Variants in TSGA10 observed in about 807,000 individuals in gnomAD.
TSGA10 encodes the protein testis specific 10.
In TSGA10, 43 loss-of-function variants were observed where a neutral mutation model predicts 96.6. That is an observed-to-expected ratio of 0.44 (90% confidence interval 0.35 to 0.57). The LOEUF (loss-of-function observed/expected upper bound fraction) is 0.57, where lower values mean the gene tolerates loss of function less well. Among genes scored for constraint, TSGA10 ranks in the 20% least tolerant of loss-of-function variants. The pLI, the probability that TSGA10 is intolerant of heterozygous loss-of-function variation, is 0.01. For synonymous variants in TSGA10, 229 were observed against 269.9 expected (o/e 0.85, Z 1.48); for missense variants, 703 against 834.4 (o/e 0.84, Z 1.94).
chr2:99,124,954 G>C (rs953955329), intron 2 of TSGA10: 1 of 152,076 alleles, frequency 6.6e-6, no homozygotes, highest in African/African-American at 2.4e-5. Flanking sequence ...TATTCATTCT[G>C]TGAGTTTTGA....
chr2:99,102,660 G>T, intron 10 of TSGA10: 1 of 1,613,960 alleles, frequency 6.2e-7, no homozygotes, highest in South Asian at 1.1e-5. Flanking sequence ...CAAATTCTAT[G>T]GTGTAAAGTT....
chr2:99,085,103 C>T (rs767338885), intron 10 of TSGA10, among the ~76,000 whole-genome samples: 15 of 151,570 alleles, frequency 9.9e-5, no homozygotes, highest in African/African-American at 1.5e-4. Context: ...AAAAATTAGC[C>T]GGGCACAGTG....
chr2:99,140,061 G>A (rs1250016886), intron 1 of TSGA10, among the ~76,000 whole-genome samples: 1 of 152,188 alleles, frequency 6.6e-6, no homozygotes, highest in Non-Finnish European at 1.5e-5. Context: ...CTGGGCTACA[G>A]GCAGTGATTT....
chr2:99,043,082 G>C (rs894437015), intron 16 of TSGA10, among the ~76,000 whole-genome samples: 6 of 152,018 alleles, frequency 3.9e-5, no homozygotes, highest in Non-Finnish European at 8.8e-5. Flanking sequence ...TTCAAAGTAG[G>C]CATTAAAAAT....
intron 17 of TSGA10, among the ~76,000 whole-genome samples, chr2:99,023,675 C>A (rs2080255547): frequency 6.6e-6 from 1 of 152,202 alleles, no homozygotes; most frequent in African/African-American, 2.4e-5. Context: ...ATTGTCCTAG[C>A]ACCTGTATTT....
At chr2:99,077,126 C>CTTT (rs2086798900) in intron 12 of TSGA10, among the ~76,000 whole-genome samples, 1 of 124,480 alleles carries the variant, frequency 8.0e-6, no homozygotes, top group Non-Finnish European at 1.7e-5. Flanking sequence ...GGACCATTCA[C>CTTT]CTTTTTTTTT....
At chr2:99,035,538 T>C (rs2081539443) in intron 16 of TSGA10, 99 bp from the exon 17 acceptor site, 6 of 702,362 alleles carry the variant, frequency 8.5e-6, no homozygotes, top group Non-Finnish European at 1.1e-5. Context: ...CTAAGAGTAG[T>C]GCACTTAGAT....
chr2:99,002,529 A>G (rs1223621747), intron 20 of TSGA10, among the ~76,000 whole-genome samples: 1 of 152,234 alleles, frequency 6.6e-6, no homozygotes, highest in Non-Finnish European at 1.5e-5. Flanking sequence ...CACTGCAAAA[A>G]CATGCCAAAT....
intron 10 of TSGA10, among the ~76,000 whole-genome samples, chr2:99,097,663 T>G (rs2090218845): frequency 6.6e-6 from 1 of 152,114 alleles, no homozygotes; most frequent in Admixed American, 6.5e-5. Context: ...AAGAAAAGAA[T>G]CATACAATTG....
chr2:99,150,171 A>C (rs1225334796), intron 1 of TSGA10, among the ~76,000 whole-genome samples: 2 of 152,180 alleles, frequency 1.3e-5, no homozygotes, highest in Non-Finnish European at 2.9e-5. Flanking sequence ...TTCAGTCGTT[A>C]TTTCTTTAGC....
intron 17 of TSGA10, among the ~76,000 whole-genome samples, chr2:99,033,930 G>A (rs2081367359): frequency 6.6e-6 from 1 of 152,184 alleles, no homozygotes; most frequent in Admixed American, 6.5e-5. Context: ...AGATTTTGAA[G>A]GAGGGTGAGC....
intron 20 of TSGA10, among the ~76,000 whole-genome samples, chr2:99,017,592 C>A (rs2079622825): frequency 6.6e-6 from 1 of 151,626 alleles, no homozygotes; most frequent in South Asian, 2.1e-4. Context: ...GGTGAAACCC[C>A]GTCTCTACTA....
chr2:99,045,564 A>T (rs1057109941), intron 16 of TSGA10, among the ~76,000 whole-genome samples: 2 of 152,216 alleles, frequency 1.3e-5, no homozygotes, highest in African/African-American at 4.8e-5. Context: ...GGCCTGCCCT[A>T]AAAGAGCTCC....
intron 13 of TSGA10, 104 bp downstream of exon 13, chr2:99,072,914 C>G (rs539187970): frequency 2.5e-6 from 2 of 788,560 alleles, no homozygotes; most frequent in Admixed American, 4.2e-5. Context: ...AGAGTTAGCA[C>G]CTTACACGTA....
intron 1 of TSGA10, among the ~76,000 whole-genome samples, chr2:99,134,884 A>T (rs2093257713): frequency 6.6e-6 from 1 of 152,218 alleles, no homozygotes; most frequent in South Asian, 2.1e-4. Flanking sequence ...GGTCCACTCC[A>T]GACCCTGTTT....
intron 16 of TSGA10, among the ~76,000 whole-genome samples, chr2:99,038,546 TA>T (rs2081886471): frequency 6.6e-6 from 1 of 151,960 alleles, no homozygotes; most frequent in South Asian, 2.1e-4. Context: ...CAACAACAGT[TA>T]AAAAAGACAA....
intron 10 of TSGA10, among the ~76,000 whole-genome samples, chr2:99,091,472 T>C (rs2089327223): frequency 6.6e-6 from 1 of 152,144 alleles, no homozygotes; most frequent in Non-Finnish European, 1.5e-5. Flanking sequence ...AAACATTGAA[T>C]GTAAATGGCC....
At chr2:99,131,899 T>C (rs2093107500) in intron 1 of TSGA10, among the ~76,000 whole-genome samples, 1 of 152,148 alleles carries the variant, frequency 6.6e-6, no homozygotes, top group South Asian at 2.1e-4. Flanking sequence ...TGTCATTGGT[T>C]CTGTTTATGA....
At chr2:99,118,502 T>C in intron 3 of TSGA10, 49 bp downstream of exon 3, 1 of 704,192 alleles carries the variant, frequency 1.4e-6, no homozygotes, top group South Asian at 6.4e-5. Flanking sequence ...TATATATATG[T>C]GTATTATTAA....
Sources: allele counts gnomAD v4.1 joint callset (sites outside exome capture counted in the v4.1 genomes callset), GRCh38; gene constraint gnomAD v4.1.1; transcripts MANE v1.5; gene names NCBI Gene and HGNC (gene_info 2026-07-23, HGNC 2026-07-21).